Variants in CNTN5 observed in about 807,000 individuals in gnomAD.
CNTN5 encodes contactin 5, also known as contactin-5.
Under a neutral mutation model 129.1 loss-of-function variants are expected in CNTN5, and 77 were observed. That is an observed-to-expected ratio of 0.60 (90% CI 0.50 to 0.72). The LOEUF (loss-of-function observed/expected upper bound fraction) is 0.72, where lower values mean the gene tolerates loss of function less well. Among genes scored for constraint, CNTN5 ranks in the 30% least tolerant of loss-of-function variants. The pLI, the probability that CNTN5 is intolerant of heterozygous loss-of-function variation, is 0.00. For missense variants in CNTN5, 1,478 were observed against 1,328.8 expected, an observed-to-expected ratio of 1.11 and a Z score of -1.75; for synonymous variants, 509 against 465.6, an observed-to-expected ratio of 1.09 and a Z score of -1.20.
rs926079081 is a variant in CNTN5, at chr11:100,321,084, T to A, written c.2730+12616T>A. 2.0e-5 allele frequency among the ~76,000 whole-genome samples: 3 copies of A among 152,172 alleles called. No homozygotes were observed. In the East Asian group the frequency reaches 5.8e-4, roughly 29 times the overall value. On this transcript the variant is annotated intron_variant, in intron 21 of 24. Transcript: ENST00000524871. ...TGAATTTTATGATTGTGTTTTCTAT[T>A]TCTGTAAAAAATGTCATTAGAATTT...
intron 6 of CNTN5, among the ~76,000 whole-genome samples, chr11:99,891,990 C>T (rs531677657): frequency 6.6e-6 from 1 of 152,302 alleles, no homozygotes; most frequent in East Asian, 1.9e-4. Context: ...TCTCCAGCAT[C>T]TGTCGTTTCC....
At chr11:99,682,201 T>A (rs1368948611) in intron 3 of CNTN5, among the ~76,000 whole-genome samples, 1 of 152,088 alleles carries the variant, frequency 6.6e-6, no homozygotes, top group Non-Finnish European at 1.5e-5. Flanking sequence ...ATATATTTAT[T>A]TCTTGAAATA....
intron 1 of CNTN5, among the ~76,000 whole-genome samples, chr11:99,027,329 G>A (rs1306514566): frequency 6.6e-6 from 1 of 151,524 alleles, no homozygotes; most frequent in Non-Finnish European, 1.5e-5. Flanking sequence ...AAGAAATGTA[G>A]ATGAGAGTAT....
In CNTN5 at chr11:100,070,525, C is replaced by A. The variant is rs759583728; in HGVS notation, c.1264C>A (p.Arg422Ser). The A allele has an allele frequency of 1.9e-6, 3 of 1,613,106 alleles. No homozygotes were observed. In the East Asian group the frequency reaches 6.7e-5, roughly 36 times the overall value. The change falls in exon 11 of 25, where the codon CGT (arginine) becomes AGT (serine). Residue 422 changes from arginine to serine, a missense_variant. Physicochemically the swap from Arg to Ser is moderately radical, Grantham distance 110 (BLOSUM62 -1). Transcript: ENST00000524871. ...TACTGGAAAACCCAGACCCACGTAT[C>A]GTTGGCTGAAGAATGGAGTACCCCT... The part of the protein sequence containing the change: ...KATGKPRPTY[R>S]WLKNGVPLSP...
chr11:99,729,896 G>T (rs1008069889), intron 3 of CNTN5, among the ~76,000 whole-genome samples: 1 of 152,118 alleles, frequency 6.6e-6, no homozygotes, highest in Non-Finnish European at 1.5e-5. Context: ...TGGGGCCTGT[G>T]GGGGTGGTGG....
intron 6 of CNTN5, among the ~76,000 whole-genome samples, chr11:99,896,949 C>T (rs1453588): frequency 0.023 from 3,509 of 152,190 alleles, 137 homozygotes; most frequent in African/African-American, 0.081. Context: ...ATCCCACCAC[C>T]TAAGCATTCT....
At chr11:100,138,271 C>G (rs1024229511) in intron 13 of CNTN5, among the ~76,000 whole-genome samples, 5 of 151,280 alleles carry the variant, frequency 3.3e-5, no homozygotes, top group Admixed American at 1.3e-4. Context: ...TGAACCGATA[C>G]CAAACATTTT....
chr11:100,130,835 G>A (rs1428158879), intron 13 of CNTN5, among the ~76,000 whole-genome samples: 1 of 152,046 alleles, frequency 6.6e-6, no homozygotes, highest in Non-Finnish European at 1.5e-5. Flanking sequence ...TTTGGCGGGG[G>A]AAAATTGGGC....
chr11:100,222,272 TG>T (rs1949281035), intron 15 of CNTN5, among the ~76,000 whole-genome samples: 1 of 152,168 alleles, frequency 6.6e-6, no homozygotes, highest in South Asian at 2.1e-4. Flanking sequence ...GATGTAACTT[TG>T]GCCAGTTTAT....
intron 1 of CNTN5, among the ~76,000 whole-genome samples, chr11:99,235,961 G>A (rs546499565): frequency 1.3e-5 from 2 of 152,178 alleles, no homozygotes; most frequent in Admixed American, 1.3e-4. Context: ...TCATGGACGT[G>A]GTATTCTTAA....
intron 8 of CNTN5, among the ~76,000 whole-genome samples, chr11:99,975,465 C>G (rs776145098): frequency 6.6e-6 from 1 of 152,040 alleles, no homozygotes; most frequent in Non-Finnish European, 1.5e-5. Flanking sequence ...GCGGCAGACC[C>G]ATTGTATTAG....
chr11:99,070,656 C>T (rs773035629), intron 1 of CNTN5, among the ~76,000 whole-genome samples: 5 of 151,912 alleles, frequency 3.3e-5, no homozygotes, highest in Non-Finnish European at 5.9e-5. Context: ...TTGTACCACA[C>T]CATGCTGGCC....
chr11:99,613,370 G>A (rs1950653454), intron 3 of CNTN5, among the ~76,000 whole-genome samples: 1 of 152,162 alleles, frequency 6.6e-6, no homozygotes, highest in Non-Finnish European at 1.5e-5. Flanking sequence ...AAGGGTCCTT[G>A]CTTCTCTTTC....
At chr11:99,144,154 A>C (rs1403494457) in intron 1 of CNTN5, among the ~76,000 whole-genome samples, 1 of 152,168 alleles carries the variant, frequency 6.6e-6, no homozygotes, top group Non-Finnish European at 1.5e-5. Context: ...TTTGTGTCTG[A>C]TCTTTTTCAT....
chr11:99,197,591 T>C (rs1858967127), intron 1 of CNTN5, among the ~76,000 whole-genome samples: 1 of 152,086 alleles, frequency 6.6e-6, no homozygotes, highest in African/African-American at 2.4e-5. Context: ...AAAGAGACCA[T>C]TAAAAAAGAT....
intron 1 of CNTN5, among the ~76,000 whole-genome samples, chr11:99,135,400 G>C (rs1239885573): frequency 2.0e-5 from 3 of 152,114 alleles, no homozygotes; most frequent in Non-Finnish European, 2.9e-5. Context: ...AAAAGGCTGA[G>C]AAAGGGCATT....
chr11:99,960,691 G>A (rs1950919263), intron 8 of CNTN5, among the ~76,000 whole-genome samples: 1 of 152,106 alleles, frequency 6.6e-6, no homozygotes, highest in African/African-American at 2.4e-5. Flanking sequence ...TAGTAGTTTG[G>A]ATAACAGTGT....
intron 15 of CNTN5, among the ~76,000 whole-genome samples, chr11:100,202,129 G>T (rs1416538102): frequency 4.6e-5 from 7 of 151,950 alleles, no homozygotes; most frequent in Non-Finnish European, 1.0e-4. Flanking sequence ...ACAAGAAAAA[G>T]AAATTTAGAA....
chr11:99,574,320 G>C (rs1330826994), intron 3 of CNTN5, among the ~76,000 whole-genome samples: 1 of 152,092 alleles, frequency 6.6e-6, no homozygotes, highest in Non-Finnish European at 1.5e-5. Flanking sequence ...ATGGGCATTT[G>C]GGTTGATTCC....
Sources: allele counts gnomAD v4.1 joint callset (sites outside exome capture counted in the v4.1 genomes callset), GRCh38; gene constraint gnomAD v4.1.1; transcripts MANE v1.5; gene names NCBI Gene and HGNC (gene_info 2026-07-23, HGNC 2026-07-21).